Variants in SLTM observed in about 807,000 individuals in gnomAD.
The protein encoded by SLTM is SAFB-like transcription modulator.
Under a neutral mutation model 134.6 loss-of-function variants are expected in SLTM, and 43 were observed. The ratio of observed to expected loss-of-function variants is 0.32; its 90% confidence interval spans 0.25 to 0.41. The LOEUF (loss-of-function observed/expected upper bound fraction) is 0.41, where lower values mean the gene tolerates loss of function less well. Among genes scored for constraint, SLTM ranks in the 10% least tolerant of loss-of-function variants. The pLI, the probability that SLTM is intolerant of heterozygous loss-of-function variation, is 1.00. For missense variants in SLTM, 1,055 were observed against 1,288.8 expected, an observed-to-expected ratio of 0.82 and a Z score of 2.78; for synonymous variants, 424 against 432.3, an observed-to-expected ratio of 0.98 and a Z score of 0.24.
chr15:58,890,297 C>T lies in SLTM; in HGVS notation c.2063G>A (p.Arg688His). 2.5e-6 allele frequency: 4 copies of T among 1,613,988 alleles called. No individual in the cohort carries two copies. The highest frequency in any genetic ancestry group is 2.5e-6 in the Non-Finnish European group (3 of 1,179,928). The part of the protein sequence containing the change: ...RMERERLERE[R>H]IRIEQERRKE... ...TGACTGCACCTGTTCAATACGAATG[C>T]GTTCCCTTTCCAAGCGTTCGCGTTC... is the stretch of plus-strand genomic sequence containing the variant. Residue 688 changes from arginine to histidine, a missense_variant, in exon 15 of 21, where the codon CGC becomes CAC. Around this residue, in one of 3 missense-constraint regions of SLTM, gnomAD observed 776 missense variants for 962.2 expected, o/e 0.81. Transcript: ENST00000380516.
chr15:58,905,320 TTC>T (rs2035798436), intron 5 of SLTM, among the ~76,000 whole-genome samples: 1 of 152,212 alleles, frequency 6.6e-6, no homozygotes, highest in Non-Finnish European at 1.5e-5. Context: ...TTCTTTCACA[TTC>T]TCTTTTAGTT....
At chr15:58,900,730 A>G (rs2035425720) in intron 6 of SLTM, 1 of 155,784 alleles carries the variant, frequency 6.4e-6, no homozygotes, top group South Asian at 2.0e-4. Context: ...ATAACCTCCT[A>G]CTGACCACAT....
At chr15:58,895,314 A>G (rs1030255029) in intron 9 of SLTM, among the ~76,000 whole-genome samples, 9 of 152,242 alleles carry the variant, frequency 5.9e-5, no homozygotes, top group African/African-American at 2.2e-4. Flanking sequence ...AAAAAAGCGG[A>G]CTTAAAAATG....
intron 2 of SLTM, among the ~76,000 whole-genome samples, chr15:58,928,779 C>A (rs1004831459): frequency 5.9e-5 from 9 of 152,230 alleles, no homozygotes; most frequent in Admixed American, 4.6e-4. Context: ...AGAATCATTT[C>A]TTTTCCTGAC....
intron 4 of SLTM, among the ~76,000 whole-genome samples, 174 bp downstream of exon 4, chr15:58,913,325 G>A (rs1167426673): frequency 7.2e-5 from 11 of 151,986 alleles, no homozygotes; most frequent in African/African-American, 2.7e-4. Flanking sequence ...TATGAAATAA[G>A]CAAAAATTTA....
intron 9 of SLTM, among the ~76,000 whole-genome samples, chr15:58,896,527 C>A (rs2141010341): frequency 6.6e-6 from 1 of 152,072 alleles, no homozygotes; most frequent in East Asian, 1.9e-4. Context: ...CGCTGCTACA[C>A]CCCAGCCTGG....
rs754269090 is a variant in SLTM at position 58,879,962 on chromosome 15, A to G, written c.*37T>C. 1 of 1,604,158 alleles carries G rather than the reference A, an allele frequency of 6.2e-7. No homozygotes were observed. Among genetic ancestry groups the G allele is most frequent in the Non-Finnish European group, 8.5e-7 (1 of 1,174,294 alleles). ...TCAAGTAAAGTTTACAGGAGATTTC[A>G]ATAAATTATCTTAAAACCTTGGCAG... On this transcript the variant is annotated 3_prime_UTR_variant, in exon 21 of 21. Transcript: ENST00000380516.
chr15:58,909,502 A>T (rs1159974230), intron 5 of SLTM, among the ~76,000 whole-genome samples: 2 of 152,226 alleles, frequency 1.3e-5, no homozygotes, highest in African/African-American at 4.8e-5. Context: ...AATAAGGGAA[A>T]GTTTCTCTTT....
chr15:58,886,270 T>A (rs1233322095), intron 19 of SLTM, among the ~76,000 whole-genome samples: 3 of 147,470 alleles, frequency 2.0e-5, no homozygotes, highest in Admixed American at 6.7e-5. Flanking sequence ...TGTGTGTATT[T>A]TTTTTTTTTT....
In SLTM at chr15:58,879,500, G is replaced by T. The variant is rs575993137; in HGVS notation, c.*499C>A. 1 of 152,872 alleles carries T rather than the reference G, an allele frequency of 6.5e-6. No homozygotes were observed. Among genetic ancestry groups the T allele is most frequent in the African/African-American group, 2.4e-5 (1 of 41,564 alleles). 9.5% of individuals were successfully genotyped at this position (152,872 alleles called of 1,614,324 possible). A position where few individuals can be genotyped will look rare whatever the true frequency, so the allele number is the denominator to read the frequency against. ...ACCAGGATACACAGATGCACTTAAT[G>T]TAACAGTACCTTCTGCAAAAATAGG... On this transcript the variant is annotated 3_prime_UTR_variant, in exon 21 of 21. Transcript: ENST00000380516.
chr15:58,917,442 A>G (rs1223420584), intron 2 of SLTM, among the ~76,000 whole-genome samples: 1 of 152,144 alleles, frequency 6.6e-6, no homozygotes, highest in Non-Finnish European at 1.5e-5. Context: ...AAATCCTCAC[A>G]CTTTAATCTT....
intron 15 of SLTM, 37 bp downstream of exon 15, chr15:58,890,244 G>T: frequency 1.2e-6 from 2 of 1,606,792 alleles, no homozygotes; most frequent in African/African-American, 2.7e-5. Flanking sequence ...TCTGAAAAAG[G>T]TGAGTTATTT....
chr15:58,901,379 A>C, intron 5 of SLTM, 92 bp from the exon 6 acceptor site: 1 of 1,027,812 alleles, frequency 9.7e-7, no homozygotes, highest in Non-Finnish European at 1.5e-6. Flanking sequence ...AAATTGGTGG[A>C]TAATTTAATG....
chr15:58,917,759 T>C (rs757295049), intron 2 of SLTM, among the ~76,000 whole-genome samples: 9 of 152,270 alleles, frequency 5.9e-5, no homozygotes, highest in Non-Finnish European at 1.2e-4. Context: ...TATTTATTTA[T>C]TTATTCTTGA....
chr15:58,913,519 T>C lies in SLTM; in HGVS notation c.493A>G (p.Lys165Glu). ...AAGACCTGACTTTCGATGTCCTCTT[T>C]TTCTATATCTTCTATTCCTTCTGCC... ...IEAEGIEDIE[K>E]EDIESQEIEA... is the part of the protein sequence containing the mutation. The change falls in exon 4 of 21, where the codon AAA (lysine) becomes GAA (glutamate). Residue 165 changes from lysine to glutamate, a missense_variant. By Grantham distance (56) the Lys-to-Glu change is moderately conservative. This residue lies in a region of SLTM where 268 missense variants were observed against 284.3 expected (regional missense o/e 0.94). Coordinates refer to ENST00000380516, the MANE Select transcript of SLTM (RefSeq NM_024755.4). 6.2e-7 allele frequency: 1 copy of C among 1,609,784 alleles called. No individual in the cohort carries two copies.
chr15:58,886,709 T>C (rs1409520916), intron 19 of SLTM, among the ~76,000 whole-genome samples: 1 of 152,230 alleles, frequency 6.6e-6, no homozygotes, highest in African/African-American at 2.4e-5. Flanking sequence ...AAATTAACAA[T>C]TCTTAAATTT....
At chr15:58,890,202 G>C (rs955148128) in intron 15 of SLTM, 79 bp downstream of exon 15, 1 of 1,534,230 alleles carries the variant, frequency 6.5e-7, no homozygotes, top group Non-Finnish European at 8.9e-7. Context: ...TTTACAACAA[G>C]TAAAGCAAGT....
chr15:58,892,708 C>A (rs1276388032), intron 14 of SLTM, among the ~76,000 whole-genome samples, 189 bp downstream of exon 14: 1 of 152,152 alleles, frequency 6.6e-6, no homozygotes, highest in Non-Finnish European at 1.5e-5. Flanking sequence ...TTGGAGACAA[C>A]AGATGGAAAA....
chr15:58,894,705 G>GGT (rs2034936934), intron 9 of SLTM, 123 bp from the exon 10 acceptor site: 6 of 518,374 alleles, frequency 1.2e-5, no homozygotes, highest in African/African-American at 4.3e-5. Context: ...TCTGTCTCAT[G>GGT]TTTTTTTTTT....
Sources: gnomAD v4.1 joint callset for allele counts (sites outside exome capture counted in the v4.1 genomes callset) on GRCh38, gnomAD v4.1.1 for gene constraint, gnomAD v4.1.1 regional missense constraint, MANE v1.5 for transcripts, NCBI Gene and HGNC (gene_info 2026-07-23, HGNC 2026-07-21) for gene names.